Variants in HIVEP3 observed in about 807,000 individuals in gnomAD.
The protein encoded by HIVEP3 is transcription factor HIVEP3.
In HIVEP3, 49 loss-of-function variants were observed where a neutral mutation model predicts 152.8. The observed-to-expected ratio is 0.32, with a 90% CI of 0.26 to 0.41. The LOEUF (loss-of-function observed/expected upper bound fraction) is 0.41. HIVEP3 is among the 10% of genes least tolerant of loss of function. The probability of loss-of-function intolerance (pLI) is 1.00; values close to 1 mark genes in which losing one functional copy is unlikely to be tolerated. For missense variants in HIVEP3, 2,790 were observed against 3,103.3 expected, an observed-to-expected ratio of 0.90 and a Z score of 2.40; for synonymous variants, 1,269 against 1,289.0, an observed-to-expected ratio of 0.98 and a Z score of 0.33.
intron 2 of HIVEP3, among the ~76,000 whole-genome samples, chr1:41,652,540 T>G (rs1645566871): frequency 6.6e-6 from 1 of 150,430 alleles, no homozygotes; most frequent in Non-Finnish European, 1.5e-5. Context: ...ATGGCAAGAG[T>G]TTTAAAGAGC....
intron 3 of HIVEP3, among the ~76,000 whole-genome samples, chr1:41,590,840 G>A (rs943600691): frequency 3.3e-5 from 5 of 152,106 alleles, no homozygotes; most frequent in Admixed American, 2.6e-4. Context: ...CCATGCATGC[G>A]GCAACACAGC....
chr1:41,867,797 A>C (rs1644005642), intron 1 of HIVEP3, among the ~76,000 whole-genome samples: 1 of 152,008 alleles, frequency 6.6e-6, no homozygotes, highest in South Asian at 2.1e-4. Flanking sequence ...GGGCAGGGAG[A>C]CCAAGGTAAA....
Position 41,582,185 on chromosome 1 carries a change from T to G in HIVEP3, c.2613A>C (p.Pro871=). The change falls in exon 4 of 9, where the codon CCA becomes CCC. Residue 871 remains proline (P), a synonymous_variant. Coordinates refer to ENST00000372583, the MANE Select transcript of HIVEP3 (RefSeq NM_024503.5). This position sits in a 1 kb window ranked among gnomAD's most constrained non-coding sequence, Gnocchi z 4.7. ...TCTCAGGTTCCTTAGGGGGCGGCTCTGGCTCTGTGTCCGGCCGGTCAGGCT... is the reference window on the plus strand; with the variant it reads ...TCTCAGGTTCCTTAGGGGGCGGCTCGGGCTCTGTGTCCGGCCGGTCAGGCT... ...TEEPDRPDTE[P]EPPPKEPEKT... 6.2e-7 allele frequency: 1 copy of G among 1,614,094 alleles called. No homozygotes were observed. The highest frequency in any genetic ancestry group is 8.5e-7 in the Non-Finnish European group (1 of 1,179,988).
chr1:41,655,428 C>T, intron 2 of HIVEP3, among the ~76,000 whole-genome samples: 1 of 151,784 alleles, frequency 6.6e-6, no homozygotes, highest in Non-Finnish European at 1.5e-5. Flanking sequence ...ACTAAACGTA[C>T]AAAAATTAGC....
intron 1 of HIVEP3, among the ~76,000 whole-genome samples, chr1:41,969,383 A>G (rs1352335582): frequency 6.6e-6 from 1 of 152,218 alleles, no homozygotes; most frequent in African/African-American, 2.4e-5. Flanking sequence ...GGAACAGAAC[A>G]GAGAACTCAG....
intron 1 of HIVEP3, among the ~76,000 whole-genome samples, chr1:42,025,202 T>C (rs1328011489): frequency 7.2e-5 from 11 of 152,250 alleles, no homozygotes; most frequent in Admixed American, 5.9e-4. Flanking sequence ...TCACATTTTT[T>C]GTCTTTTTGT....
Position 41,628,883 on chromosome 1 carries a change from T to A in HIVEP3, c.-656A>T. 1 of 1,231,992 alleles carries A rather than the reference T, an allele frequency of 8.1e-7. No individual in the cohort carries two copies. Among genetic ancestry groups the A allele is most frequent in the Non-Finnish European group, 1.0e-6 (1 of 987,930 alleles). The allele number at this position is 1,231,992 out of a possible 1,614,324, so 76.3% of individuals were successfully genotyped here. On this transcript the variant is annotated 5_prime_UTR_variant, in exon 3 of 9. It introduces an in-frame stop codon into an upstream open reading frame of the 5' UTR. Transcript: ENST00000372583. ...TTCCCACCAGAGGGGCGGGCTTGCT[T>A]GGCCAGGACCCCGCGAGGCTCCTCC...
chr1:41,574,637 C>A (rs1644300396), intron 5 of HIVEP3, among the ~76,000 whole-genome samples: 1 of 152,196 alleles, frequency 6.6e-6, no homozygotes, highest in Non-Finnish European at 1.5e-5. Context: ...GGATCAGAGG[C>A]CCCCAGTGAC....
At position 42,016,530 on chromosome 1, in the gene HIVEP3, G is replaced by T. The variant is rs545335562; in HGVS notation, n.119+19277C>A. Reference sequence around the variant, plus strand: ...CGAGAGAGCCAGTGTTGACATTTTGGTATAGTTCCTACTGATTTTAATACA... The same window carrying T: ...CGAGAGAGCCAGTGTTGACATTTTGTTATAGTTCCTACTGATTTTAATACA... On this transcript the variant is annotated intron_variant and non_coding_transcript_variant, in intron 1 of 3. Transcript: ENST00000489103. 6.6e-5 allele frequency among the ~76,000 whole-genome samples: 10 copies of T among 151,662 alleles called. No individual in the cohort carries two copies. In the South Asian group the frequency reaches 2.1e-3, roughly 32 times the overall value.
At chr1:42,028,808 C>T (rs1645596380) in intron 1 of HIVEP3, among the ~76,000 whole-genome samples, 1 of 152,182 alleles carries the variant, frequency 6.6e-6, no homozygotes, top group Admixed American at 6.5e-5. Flanking sequence ...ACTCAAATGC[C>T]TTCAGAATCC....
intron 5 of HIVEP3, among the ~76,000 whole-genome samples, chr1:41,573,439 T>C (rs1644280924): frequency 6.6e-6 from 1 of 152,048 alleles, no homozygotes; most frequent in Admixed American, 6.5e-5. Flanking sequence ...GTGGGAGGCA[T>C]GGTCCCAGCT....
intron 1 of HIVEP3, among the ~76,000 whole-genome samples, chr1:41,915,937 A>G (rs776719601): frequency 2.6e-5 from 4 of 152,184 alleles, no homozygotes; most frequent in Non-Finnish European, 5.9e-5. Flanking sequence ...AACAGGATGG[A>G]GAACAGCATG....
intron 3 of HIVEP3, among the ~76,000 whole-genome samples, chr1:41,605,957 C>T (rs1402030236): frequency 6.6e-6 from 1 of 152,170 alleles, no homozygotes; most frequent in East Asian, 1.9e-4. Context: ...AATGGTAGGA[C>T]AGATGTGTTA....
intron 1 of HIVEP3, among the ~76,000 whole-genome samples, chr1:41,998,959 G>C (rs1420010013): frequency 1.7e-4 from 22 of 129,628 alleles, no homozygotes; most frequent in Non-Finnish European, 2.6e-4. Context: ...GCAATGGTGC[G>C]ATCTCAGCTC....
chr1:42,014,666 CA>C (rs1489338462), intron 1 of HIVEP3, among the ~76,000 whole-genome samples: 1 of 152,128 alleles, frequency 6.6e-6, no homozygotes, highest in Non-Finnish European at 1.5e-5. Context: ...ACTTTCTAGG[CA>C]CCAATGAAGC....
chr1:41,825,435 T>C (rs1642772230), intron 1 of HIVEP3, among the ~76,000 whole-genome samples: 1 of 152,084 alleles, frequency 6.6e-6, no homozygotes, highest in Admixed American at 6.5e-5. Context: ...CACGCCCAGC[T>C]AATATTTTCT....
intron 1 of HIVEP3, among the ~76,000 whole-genome samples, chr1:42,033,206 C>G (rs1422823253): frequency 6.6e-6 from 1 of 152,218 alleles, no homozygotes; most frequent in East Asian, 1.9e-4. Context: ...CTACCACCAT[C>G]TGACCCCTGA....
At chr1:42,015,735 T>G (rs145865694) in intron 1 of HIVEP3, among the ~76,000 whole-genome samples, 60 of 152,366 alleles carry the variant, frequency 3.9e-4, no homozygotes, top group African/African-American at 1.4e-3. Flanking sequence ...ACTATGTCAC[T>G]TGTCCCCTGA....
At chr1:41,777,249 C>T (rs1194407416) in intron 1 of HIVEP3, among the ~76,000 whole-genome samples, 1 of 152,350 alleles carries the variant, frequency 6.6e-6, no homozygotes, top group East Asian at 1.9e-4. Flanking sequence ...CTTCTCTATG[C>T]TTCTGATTGT....
Sources: allele counts gnomAD v4.1 joint callset (sites outside exome capture counted in the v4.1 genomes callset), GRCh38; gene constraint gnomAD v4.1.1; non-coding constraint Gnocchi (gnomAD v3.1); transcripts MANE v1.5; gene names NCBI Gene and HGNC (gene_info 2026-07-23, HGNC 2026-07-21).